The following CYTH1 variants were observed in gnomAD, a reference collection of about 807,000 sequenced individuals.
CYTH1 encodes cytohesin 1, also known as cytohesin-1.
CYTH1 carries 18 observed loss-of-function variants against 61.8 expected under a neutral mutation model. The ratio of observed to expected loss-of-function variants is 0.29; its 90% CI spans 0.20 to 0.43. The LOEUF (loss-of-function observed/expected upper bound fraction) is 0.43. Among genes scored for constraint, CYTH1 ranks in the 20% least tolerant of loss-of-function variants. The pLI is 1.00. For missense variants in CYTH1, 336 were observed against 510.5 expected, an observed-to-expected ratio of 0.66 and a Z score of 3.29; for synonymous variants, 174 against 184.3, an observed-to-expected ratio of 0.94 and a Z score of 0.45.
At position 78,696,054 on chromosome 17, in the gene CYTH1, A is replaced by G. The variant is rs1264805415; in HGVS notation, c.812-45T>C. 3 of 1,367,640 alleles carry G rather than the reference A, an allele frequency of 2.2e-6. No homozygotes were observed. In the East Asian group the frequency reaches 1.4e-4, roughly 62 times the overall value. 84.7% of individuals were successfully genotyped at this position (1,367,640 alleles called of 1,614,324 possible). ...AAAGGAGAGCCAAAATCATGGAAACATACAAATGAGGGAGAAAAGAAAATT... is the reference window on the plus strand; with the variant it reads ...AAAGGAGAGCCAAAATCATGGAAACGTACAAATGAGGGAGAAAAGAAAATT... On this transcript the variant is annotated intron_variant, in intron 9 of 13. Transcript: ENST00000446868.
chr17:78,760,354 T>TA, intron 1 of CYTH1, among the ~76,000 whole-genome samples: 5 of 62,470 alleles, frequency 8.0e-5, no homozygotes, highest in Admixed American at 1.8e-4. Flanking sequence ...AAATAGCAGG[T>TA]TTATATATAT....
At chr17:78,709,500 T>C (rs2093105339) in intron 2 of CYTH1, 150 bp downstream of exon 2, 2 of 700,520 alleles carry the variant, frequency 2.9e-6, no homozygotes, top group East Asian at 2.7e-5. Context: ...GAAAGGTGAC[T>C]GATTATCAAC....
chr17:78,721,194 G>A (rs1293193647), intron 1 of CYTH1, among the ~76,000 whole-genome samples: 1 of 152,128 alleles, frequency 6.6e-6, no homozygotes, highest in African/African-American at 2.4e-5. Context: ...GCCAGGCGTG[G>A]TGGCATGCAG....
chr17:78,739,559 T>C (rs1369357806), intron 1 of CYTH1, among the ~76,000 whole-genome samples: 2 of 151,962 alleles, frequency 1.3e-5, no homozygotes, highest in East Asian at 1.9e-4. Context: ...AGGAGGGTGG[T>C]AGGCGAACTG....
chr17:78,705,606 T>C (rs956871180), intron 3 of CYTH1, among the ~76,000 whole-genome samples: 1 of 152,264 alleles, frequency 6.6e-6, no homozygotes, highest in East Asian at 1.9e-4. Flanking sequence ...TTCTCTCCTA[T>C]AAGAAAGTCC....
At chr17:78,694,398 A>G (rs2092918332) in intron 10 of CYTH1, among the ~76,000 whole-genome samples, 1 of 152,238 alleles carries the variant, frequency 6.6e-6, no homozygotes, top group Non-Finnish European at 1.5e-5. Flanking sequence ...ACTGGTCCCT[A>G]AAGGTTAGAT....
chr17:78,748,180 A>T (rs992310573), intron 1 of CYTH1, among the ~76,000 whole-genome samples: 1 of 152,162 alleles, frequency 6.6e-6, no homozygotes. Context: ...GCTGACCCAC[A>T]TTTGTGGTAA....
chr17:78,695,511 T>A (rs1252360741), intron 10 of CYTH1, among the ~76,000 whole-genome samples: 1 of 152,202 alleles, frequency 6.6e-6, no homozygotes, highest in African/African-American at 2.4e-5. Flanking sequence ...TCATGGTAAA[T>A]CAGAAGCTTT....
intron 1 of CYTH1, among the ~76,000 whole-genome samples, chr17:78,760,388 C>CT (rs2093418252): frequency 2.2e-5 from 1 of 45,948 alleles, no homozygotes; most frequent in Non-Finnish European, 4.3e-5. Context: ...TATATATACA[C>CT]ACACATACAT....
chr17:78,694,864 C>T (rs1048209926), intron 10 of CYTH1, among the ~76,000 whole-genome samples: 1 of 152,144 alleles, frequency 6.6e-6, no homozygotes, highest in Admixed American at 6.5e-5. Flanking sequence ...CATAAAGCAT[C>T]ACTGTGGGCC....
chr17:78,718,024 T>C (rs1280564928), intron 1 of CYTH1, among the ~76,000 whole-genome samples: 1 of 152,108 alleles, frequency 6.6e-6, no homozygotes, highest in Non-Finnish European at 1.5e-5. Context: ...TATAAAGTAA[T>C]TAAGGAGTGA....
At position 78,676,112 on chromosome 17, in the gene CYTH1, G is replaced by T; in HGVS notation, c.1176C>A (p.Val392=). ...YEMLAARKKK[V]SSTKRH is the part of the protein sequence containing the mutation. ...ACGCTCAGTGTCGCTTCGTGGAGGAGACCTTCTTTTTCCGTGCTGCGAGCA... is the reference window on the plus strand; with the variant it reads ...ACGCTCAGTGTCGCTTCGTGGAGGATACCTTCTTTTTCCGTGCTGCGAGCA... Residue 392 remains valine, a synonymous_variant, in exon 14 of 14, where the codon GTC becomes GTA. Coordinates refer to ENST00000446868, the MANE Select transcript of CYTH1 (RefSeq NM_004762.6). 6.2e-7 allele frequency: 1 copy of T among 1,610,782 alleles called. No individual in the cohort carries two copies. The highest frequency in any genetic ancestry group is 1.1e-5 in the South Asian group (1 of 89,958).
intron 1 of CYTH1, among the ~76,000 whole-genome samples, chr17:78,761,260 C>T (rs2093427538): frequency 6.6e-6 from 1 of 152,190 alleles, no homozygotes; most frequent in Non-Finnish European, 1.5e-5. Context: ...TTTCAGATTT[C>T]AAGTTTCAGA....
In CYTH1 at chr17:78,777,371, T is replaced by C. The variant is rs1000186193; in HGVS notation, c.22+4831A>G. On this transcript the variant is annotated intron_variant, in intron 1 of 13. Transcript: ENST00000446868. ...AGGCAGAGCTGGCAGTGAGCCGAGATTGCGCCACTGCACTCTAGCCTGGGC... is the reference window on the plus strand; with the variant it reads ...AGGCAGAGCTGGCAGTGAGCCGAGACTGCGCCACTGCACTCTAGCCTGGGC... Among the ~76,000 whole-genome samples, 8 of 151,912 alleles carry C rather than the reference T, an allele frequency of 5.3e-5. No individual in the cohort carries two copies. The East Asian group carries it at 7.7e-4, about 15-fold the overall frequency.
At chr17:78,760,443 G>GTA (rs796569849) in intron 1 of CYTH1, among the ~76,000 whole-genome samples, 480 of 31,842 alleles carry the variant, frequency 0.015, 60 homozygotes, top group African/African-American at 0.056. Flanking sequence ...ATATATATAT[G>GTA]TATATATATA....
At chr17:78,698,155 ATG>A (rs1259675978) in intron 9 of CYTH1, 112 bp downstream of exon 9, 2 of 867,386 alleles carry the variant, frequency 2.3e-6, no homozygotes, top group Non-Finnish European at 3.8e-6. Flanking sequence ...ACGCGCACAC[ATG>A]CACACGCACA....
chr17:78,733,076 CAAAAAAAAAAA>C lies in CYTH1; in HGVS notation c.23-23355_23-23345del, dbSNP rs56020680. 3.5e-3 allele frequency among the ~76,000 whole-genome samples: 169 copies of C among 47,748 alleles called. 1 individual carries two copies. The highest frequency in any genetic ancestry group is 0.016 in the African/African-American group (163 of 10,406). 31.3% of individuals were successfully genotyped at this position (47,748 alleles called of 152,430 possible). On this transcript the variant is annotated intron_variant, in intron 1 of 13. Coordinates refer to ENST00000446868, the MANE Select transcript of CYTH1 (RefSeq NM_004762.6). ...CTGGCAACAGAGTGAGACTCCATCT[CAAAAAAAAAAA>C]AAAAAAAAAAAAAAAAAAAGGATAA...
rs150794889 is a variant in CYTH1, at chr17:78,763,163, G to A, written c.22+19039C>T. ...GTTCGAGACCAGCCTGGCCAACGTG[G>A]TAAAACCCTGTCTCTACTAAAAATA... On this transcript the variant is annotated intron_variant, in intron 1 of 13. Coordinates refer to ENST00000446868, the MANE Select transcript of CYTH1 (RefSeq NM_004762.6). Among the ~76,000 whole-genome samples, 164 of 152,158 alleles carry A rather than the reference G, an allele frequency of 1.1e-3. 3 individuals are homozygous for A. The East Asian group carries it at 0.029, about 27-fold the overall frequency.
chr17:78,700,530 T>TTC lies in CYTH1; in HGVS notation c.438-88_438-87insGA. On this transcript the variant is annotated intron_variant, in intron 6 of 13. Transcript: ENST00000446868. The surrounding 1 kb of genome is among the most constrained non-coding windows in gnomAD (Gnocchi z 5.1). ...GTTAAACTGCCAATGATTTTTTTTT[T>TTC]CTTTTTTTTTTTGAGATGGAGTCTC... 2.7e-6 allele frequency: 3 copies of TTC among 1,120,550 alleles called. No individual in the cohort carries two copies. Among genetic ancestry groups the TTC allele is most frequent in the Non-Finnish European group, 3.8e-6 (3 of 796,560 alleles). The allele number at this position is 1,120,550 out of a possible 1,614,324, so 69.4% of individuals were successfully genotyped here.
Sources: gnomAD v4.1 joint callset for allele counts (sites outside exome capture counted in the v4.1 genomes callset) on GRCh38, gnomAD v4.1.1 for gene constraint, Gnocchi (gnomAD v3.1) non-coding constraint, MANE v1.5 for transcripts, NCBI Gene and HGNC (gene_info 2026-07-23, HGNC 2026-07-21) for gene names.